The following GNPTAB variants were observed in gnomAD, a reference collection of about 807,000 sequenced individuals.
GNPTAB encodes N-acetylglucosamine-1-phosphate transferase subunits alpha and beta, also known as N-acetylglucosamine-1-phosphotransferase subunits alpha/beta.
GNPTAB carries 92 observed loss-of-function variants against 136.6 expected under a neutral mutation model. The ratio of observed to expected loss-of-function variants is 0.67; its 90% CI spans 0.57 to 0.80. The LOEUF (loss-of-function observed/expected upper bound fraction) is 0.80, where lower values mean the gene tolerates loss of function less well. Ranked by LOEUF, GNPTAB falls within the 30% of genes least tolerant of loss-of-function variation. The pLI is 0.00. For synonymous variants in GNPTAB, 512 were observed against 535.1 expected, an observed-to-expected ratio of 0.96 and a Z score of 0.60; for missense variants, 1,343 against 1,501.8, an observed-to-expected ratio of 0.89 and a Z score of 1.75.
chr12:101,824,189 T>C (rs1360963348), intron 1 of GNPTAB, among the ~76,000 whole-genome samples: 3 of 151,946 alleles, frequency 2.0e-5, no homozygotes, highest in Admixed American at 6.6e-5. Flanking sequence ...TGGGTCTAGT[T>C]GGCACTAATG....
intron 11 of GNPTAB, among the ~76,000 whole-genome samples, chr12:101,766,678 T>C (rs762884659): frequency 6.6e-6 from 1 of 152,152 alleles, no homozygotes; most frequent in Non-Finnish European, 1.5e-5. Context: ...TTATTTCATA[T>C]TGATGTTTTC....
rs1182027219 is a variant in GNPTAB, at chr12:101,764,847, C to G, written c.2070G>C (p.Gln690His). Residue 690 changes from glutamine to histidine, a missense_variant, in exon 13 of 21, where the codon CAG becomes CAC. Coordinates refer to ENST00000299314, the MANE Select transcript of GNPTAB (RefSeq NM_024312.5). ...RHDVNSTRRA[Q>H]EEVKIPLVNI... is the part of the protein sequence containing the mutation. ...TTACCAGGGGAATTTTCACCTCTTC[C>G]TGGGCTCTCCTTGTTGAGTTAACAT... 6.2e-7 allele frequency: 1 copy of G among 1,614,142 alleles called. No individual in the cohort carries two copies. The highest frequency in any genetic ancestry group is 1.1e-5 in the South Asian group (1 of 91,080).
intron 20 of GNPTAB, 76 bp downstream of exon 20, chr12:101,749,025 T>C (rs1195254597): frequency 5.8e-6 from 5 of 860,956 alleles, no homozygotes; most frequent in African/African-American, 5.0e-5. Context: ...TAAATGTGTA[T>C]CATTTTCTAA....
intron 5 of GNPTAB, among the ~76,000 whole-genome samples, chr12:101,782,122 T>C (rs1302220599): frequency 3.3e-5 from 5 of 151,966 alleles, no homozygotes; most frequent in Admixed American, 3.3e-4. Flanking sequence ...CATAGGAAGA[T>C]GGCAGAGAAG....
At chr12:101,791,840 T>C (rs1869011430) in intron 2 of GNPTAB, among the ~76,000 whole-genome samples, 1 of 152,134 alleles carries the variant, frequency 6.6e-6, no homozygotes, top group Admixed American at 6.5e-5. Flanking sequence ...TTACAAGAAG[T>C]AGGGGAGATA....
chr12:101,806,075 A>C lies in GNPTAB; in HGVS notation c.118-9313T>G, dbSNP rs574298218. On this transcript the variant is annotated intron_variant, in intron 1 of 20. Transcript: ENST00000299314. ...CAGTCAATAAATATTATGTGGCATCATTCTAGATTCTGAGGACATAGCAAT... is the reference window on the plus strand; with the variant it reads ...CAGTCAATAAATATTATGTGGCATCCTTCTAGATTCTGAGGACATAGCAAT... Among the ~76,000 whole-genome samples the C allele has an allele frequency of 2.6e-5, 4 of 152,342 alleles. No individual in the cohort carries two copies. The South Asian group carries it at 8.3e-4, about 32-fold the overall frequency.
chr12:101,778,498 C>A (rs370902699), intron 7 of GNPTAB: 2 of 152,128 alleles, frequency 1.3e-5, no homozygotes, highest in African/African-American at 4.8e-5. Context: ...CAAATCAGTA[C>A]TAAAAATAAC....
Position 101,790,218 on chromosome 12 carries a change from G to A in GNPTAB, c.204-161C>T, listed in dbSNP as rs73392500. ...CAGAACTGCATGTTTTCAAACTGTA[G>A]CTGGGGGGCTAATATTTGTCAAGTA... On this transcript the variant is annotated intron_variant, in intron 2 of 20. Transcript: ENST00000299314. Among the ~76,000 whole-genome samples the A allele has an allele frequency of 3.7e-3, 571 of 152,300 alleles. 5 individuals carry two copies. The highest frequency in any genetic ancestry group is 0.013 in the African/African-American group (521 of 41,560).
chr12:101,820,508 G>A (rs1870738006), intron 1 of GNPTAB, among the ~76,000 whole-genome samples: 1 of 152,140 alleles, frequency 6.6e-6, no homozygotes. Flanking sequence ...GACATTTTGG[G>A]CTGGATGATT....
Position 101,761,731 on chromosome 12 carries a change from G to A in GNPTAB, c.2748C>T (p.Tyr916=), listed in dbSNP as rs143931833. Residue 916 remains tyrosine (Y), a synonymous_variant, in exon 14 of 21, where the codon TAC becomes TAT. Coordinates refer to ENST00000299314, the MANE Select transcript of GNPTAB (RefSeq NM_024312.5). ...EEESLKTQLA[Y]FTDSKNTGRQ... is the part of the protein sequence containing the mutation. The stretch of plus-strand genomic sequence containing the variant: ...TCCCAGTATTTTTGCTATCAGTGAA[G>A]TATGCCAATTGTGTCTTCAATGACT... 1.8e-4 allele frequency: 292 copies of A among 1,613,686 alleles called. No homozygotes were observed. Among genetic ancestry groups the A allele is most frequent in the Non-Finnish European group, 2.3e-4 (266 of 1,179,608 alleles).
At chr12:101,759,872 A>G (rs1486804389) in intron 16 of GNPTAB, among the ~76,000 whole-genome samples, 158 bp downstream of exon 16, 2 of 152,256 alleles carry the variant, frequency 1.3e-5, no homozygotes, top group African/African-American at 2.4e-5. Flanking sequence ...AAAGCAAGCT[A>G]TGAATGATTC....
chr12:101,786,040 T>C lies in GNPTAB; in HGVS notation c.543A>G (p.Ser181=). 6.2e-7 allele frequency: 1 copy of C among 1,613,656 alleles called. No individual in the cohort carries two copies. Among genetic ancestry groups the C allele is most frequent in the Non-Finnish European group, 8.5e-7 (1 of 1,179,564 alleles). Residue 181 remains serine (S), a synonymous_variant, in exon 5 of 21, where the codon TCA becomes TCG. Coordinates refer to ENST00000299314, the MANE Select transcript of GNPTAB (RefSeq NM_024312.5). Reference sequence around the variant, plus strand: ...CCTTAGTACTGTCAAAAACAACAACTGAGACATTGGTAGAAGGGTTTTTTG... The same window carrying C: ...CCTTAGTACTGTCAAAAACAACAACCGAGACATTGGTAGAAGGGTTTTTTG... The part of the protein sequence containing the change: ...AKPKNPSTNV[S]VVVFDSTKDV...
At chr12:101,762,473 A>T (rs189376998) in intron 13 of GNPTAB, among the ~76,000 whole-genome samples, 8 of 152,350 alleles carry the variant, frequency 5.3e-5, no homozygotes, top group African/African-American at 1.7e-4. Flanking sequence ...TAAGCTAGTA[A>T]TTCTACCTGC....
chr12:101,828,837 G>A (rs759296487), intron 1 of GNPTAB, among the ~76,000 whole-genome samples: 1 of 152,204 alleles, frequency 6.6e-6, no homozygotes, highest in Non-Finnish European at 1.5e-5. Flanking sequence ...TATCCCACAG[G>A]GGTGATGTTG....
chr12:101,758,380 G>A (rs1952935626), intron 16 of GNPTAB, among the ~76,000 whole-genome samples: 1 of 150,802 alleles, frequency 6.6e-6, no homozygotes, highest in Admixed American at 6.6e-5. Context: ...TCACCATGTT[G>A]GCCAGGCTGG....
Position 101,780,613 on chromosome 12 carries a change from C to T in GNPTAB, c.580G>A (p.Ala194Thr), listed in dbSNP as rs767422341. 44 of 1,605,722 alleles carry T rather than the reference C, an allele frequency of 2.7e-5. No homozygotes were observed. Among genetic ancestry groups the T allele is most frequent in the Non-Finnish European group, 8.5e-6 (10 of 1,172,678 alleles). Reference sequence around the variant, plus strand: ...TTTCCTTTAAGCAGTCCAGAGTGGGCATCTTCAACTACAACCAAGAATACA... The same window carrying T: ...TTTCCTTTAAGCAGTCCAGAGTGGGTATCTTCAACTACAACCAAGAATACA... ...VFDSTKDVED[A>T]HSGLLKGNSR... Residue 194 changes from alanine (A) to threonine (T), a missense_variant, in exon 6 of 21, where the codon GCC becomes ACC. By Grantham distance (58) the Ala-to-Thr change is moderately conservative. Coordinates refer to ENST00000299314, the MANE Select transcript of GNPTAB (RefSeq NM_024312.5).
At position 101,790,000 on chromosome 12, in the gene GNPTAB, A is replaced by C. The variant is rs2137150242; in HGVS notation, c.261T>G (p.Leu87=). ...CCTGCTGTAGTTCCTTCAGTAGTTCAAGATCTGTGCCATTCACCCAGGTGT... is the reference window on the plus strand; with the variant it reads ...CCTGCTGTAGTTCCTTCAGTAGTTCCAGATCTGTGCCATTCACCCAGGTGT... ...VVYTWVNGTD[L]ELLKELQQVR... Residue 87 remains leucine, a synonymous_variant, in exon 3 of 21, where the codon CTT becomes CTG. Coordinates refer to ENST00000299314, the MANE Select transcript of GNPTAB (RefSeq NM_024312.5). The C allele has an allele frequency of 6.2e-7, 1 of 1,614,222 alleles. No homozygotes were observed. Among genetic ancestry groups the C allele is most frequent in the South Asian group, 1.1e-5 (1 of 91,090 alleles).
At chr12:101,823,005 T>C (rs1040303774) in intron 1 of GNPTAB, among the ~76,000 whole-genome samples, 6 of 152,186 alleles carry the variant, frequency 3.9e-5, no homozygotes, top group East Asian at 1.9e-4. Flanking sequence ...GTAGGTCAGA[T>C]TGGTCTAAAA....
At position 101,766,093 on chromosome 12, in the gene GNPTAB, T is replaced by C; in HGVS notation, c.1610A>G (p.Gln537Arg). 6.2e-7 allele frequency: 1 copy of C among 1,613,760 alleles called. No individual in the cohort carries two copies. Among genetic ancestry groups the C allele is most frequent in the South Asian group, 1.1e-5 (1 of 91,066 alleles). Residue 537 changes from glutamine to arginine, a missense_variant and splice_region_variant, in exon 12 of 21, where the codon CAA becomes CGA. By Grantham distance (43) the Gln-to-Arg change is conservative. Coordinates refer to ENST00000299314, the MANE Select transcript of GNPTAB (RefSeq NM_024312.5). Reference protein sequence around the residue: ...SCGFDAGDCGQDHFHELYKVI... With the variant: ...SCGFDAGDCGRDHFHELYKVI... ...TATTTGTTTGGCAGTAAACATACCT[T>C]GCCCACAGTCGCCAGCATCAAACCC... is the stretch of plus-strand genomic sequence containing the variant.
Sources: allele counts gnomAD v4.1 joint callset (sites outside exome capture counted in the v4.1 genomes callset), GRCh38; gene constraint gnomAD v4.1.1; transcripts MANE v1.5; gene names NCBI Gene and HGNC (gene_info 2026-07-23, HGNC 2026-07-21).